HS6ST2: variants seen among roughly 807,000 people sequenced by gnomAD.
HS6ST2 encodes heparan-sulfate 6-O-sulfotransferase 2.
A neutral mutation model predicts 33.0 loss-of-function variants in HS6ST2; 17 were observed. The ratio of observed to expected loss-of-function variants is 0.52; its 90% CI spans 0.35 to 0.77. The LOEUF is 0.77. HS6ST2 is among the 30% of genes least tolerant of loss of function. HS6ST2 has a pLI of 0.01. For missense variants in HS6ST2, 519 were observed against 551.7 expected (o/e 0.94, Z 0.59); for synonymous variants, 248 against 237.1 (o/e 1.05, Z -0.42).
intron 3 of HS6ST2, among the ~76,000 whole-genome samples, chrX:132,694,421 C>A (rs1353344349): frequency 3.6e-5 from 4 of 111,306 alleles, no homozygotes; most frequent in Admixed American, 2.9e-4. Context: ...GGCCCTGAGG[C>A]AGCAAGAGGC....
Position 132,696,133 on chromosome X carries a change from A to T in HS6ST2, c.980+12329T>A, listed in dbSNP as rs1019060249. Among the ~76,000 whole-genome samples, 3 of 111,986 alleles carry T rather than the reference A, an allele frequency of 2.7e-5. 1 individual carries two copies. The Admixed American group carries it at 2.8e-4, about 11-fold the overall frequency. On this transcript the variant is annotated intron_variant, in intron 3 of 4. Coordinates refer to ENST00000370833, the MANE Select transcript of HS6ST2 (RefSeq NM_001394073.1). ...GCCAAGTTTTCACCATGGCAGTATC[A>T]AAAGCGATGAGACGATTTTGTGGAT...
chrX:132,680,344 T>C (rs1220529259), intron 3 of HS6ST2, among the ~76,000 whole-genome samples: 1 of 110,756 alleles, frequency 9.0e-6, no homozygotes, highest in East Asian at 2.8e-4. Flanking sequence ...GGGGAGAGTA[T>C]GTGGAAGAAG....
At chrX:132,889,028 T>G (rs1159427947) in intron 2 of HS6ST2, among the ~76,000 whole-genome samples, 1 of 110,904 alleles carries the variant, frequency 9.0e-6, no homozygotes, top group Non-Finnish European at 1.9e-5. Context: ...TAGATCAATT[T>G]TCCCAATCAT....
At chrX:132,705,720 G>T (rs1465323491) in intron 3 of HS6ST2, among the ~76,000 whole-genome samples, 1 of 111,899 alleles carries the variant, frequency 8.9e-6, no homozygotes, top group East Asian at 2.8e-4. Flanking sequence ...ACGTCACACA[G>T]CTGGAAAGTA....
chrX:132,779,348 A>T (rs1424120353), intron 2 of HS6ST2, among the ~76,000 whole-genome samples: 1 of 112,103 alleles, frequency 8.9e-6, no homozygotes, highest in African/African-American at 3.2e-5. Flanking sequence ...GTTAAGCCCC[A>T]TCTAATCTAA....
chrX:132,806,010 C>G (rs955738286), intron 2 of HS6ST2, among the ~76,000 whole-genome samples: 1 of 110,152 alleles, frequency 9.1e-6, no homozygotes, highest in African/African-American at 3.3e-5. Context: ...TTATAATTCT[C>G]TACAGAGATT....
chrX:132,834,683 T>G (rs1298136188), intron 2 of HS6ST2, among the ~76,000 whole-genome samples: 1 of 112,655 alleles, frequency 8.9e-6, no homozygotes, highest in African/African-American at 3.2e-5. Context: ...TGTCAAAGCT[T>G]TGCAGTTCAC....
At position 132,766,273 on chromosome X, in the gene HS6ST2, A is replaced by G. The variant is rs141720397; in HGVS notation, c.948-57779T>C. Among the ~76,000 whole-genome samples the G allele has an allele frequency of 8.0e-4, 90 of 112,770 alleles. 2 individuals carry two copies. In the East Asian group the frequency reaches 0.024, roughly 30 times the overall value. ...TTGGTAAATGAATCTTTCACCATTAATTTAACTAACTAAAATAACAAATTC... is the reference window on the plus strand; with the variant it reads ...TTGGTAAATGAATCTTTCACCATTAGTTTAACTAACTAAAATAACAAATTC... On this transcript the variant is annotated intron_variant, in intron 2 of 4. Coordinates refer to ENST00000370833, the MANE Select transcript of HS6ST2 (RefSeq NM_001394073.1).
chrX:132,663,506 T>C, intron 4 of HS6ST2, among the ~76,000 whole-genome samples: 1 of 112,354 alleles, frequency 8.9e-6, no homozygotes. Context: ...TTTATGCTTT[T>C]GTCATTCGTC....
intron 4 of HS6ST2, among the ~76,000 whole-genome samples, chrX:132,664,500 A>G (rs1033967091): frequency 8.9e-6 from 1 of 111,974 alleles, no homozygotes; most frequent in African/African-American, 3.2e-5. Context: ...CGGTCTTACC[A>G]GAGTCAGCTC....
intron 3 of HS6ST2, among the ~76,000 whole-genome samples, chrX:132,687,810 G>T (rs144962818): frequency 3.6e-5 from 4 of 110,220 alleles, no homozygotes; most frequent in Non-Finnish European, 5.7e-5. Flanking sequence ...GTGCAATGGC[G>T]CAATCTCGGC....
chrX:132,689,735 G>A (rs1439554979), intron 3 of HS6ST2, among the ~76,000 whole-genome samples: 1 of 112,170 alleles, frequency 8.9e-6, no homozygotes, highest in Non-Finnish European at 1.9e-5. Context: ...TCTAGAGAAA[G>A]TTATTTAACA....
intron 2 of HS6ST2, among the ~76,000 whole-genome samples, chrX:132,714,597 G>T (rs1056008794): frequency 2.7e-5 from 3 of 111,537 alleles, no homozygotes; most frequent in African/African-American, 9.8e-5. Context: ...GGGATTACAG[G>T]CATAAGCCAC....
intron 2 of HS6ST2, among the ~76,000 whole-genome samples, chrX:132,764,167 C>G (rs1488532469): frequency 4.5e-5 from 5 of 111,900 alleles, no homozygotes; most frequent in African/African-American, 1.6e-4. Context: ...GAGACTCTCC[C>G]ATATTTAGAG....
chrX:132,691,418 C>T (rs1204142878), intron 3 of HS6ST2, among the ~76,000 whole-genome samples: 1 of 111,858 alleles, frequency 8.9e-6, no homozygotes, highest in East Asian at 2.8e-4. Context: ...TGTCCCTAGG[C>T]ATTATAGGAG....
At chrX:132,702,389 T>G (rs1204345614) in intron 3 of HS6ST2, among the ~76,000 whole-genome samples, 3 of 112,432 alleles carry the variant, frequency 2.7e-5, no homozygotes, top group African/African-American at 9.7e-5. Context: ...TAGCATCCAT[T>G]TATATTCTAT....
intron 2 of HS6ST2, among the ~76,000 whole-genome samples, chrX:132,925,235 C>G (rs780273405): frequency 1.2e-4 from 14 of 112,016 alleles, no homozygotes; most frequent in Non-Finnish European, 2.4e-4. Flanking sequence ...CTCTGCATCC[C>G]TCCCCACATA....
In HS6ST2 at chrX:132,957,044, G is replaced by A; in HGVS notation, c.711C>T (p.Thr237=). ...AGTGGCGGCCGAAAGTGGTGCCCCC[G>A]GTCTTCTGGATGTGCAGGAACACGA... ...DLIVFLHIQK[T]GGTTFGRHLV... The change falls in exon 2 of 5, where the codon ACC becomes ACT. Residue 237 remains threonine, a synonymous_variant. Coordinates refer to ENST00000370833, the MANE Select transcript of HS6ST2 (RefSeq NM_001394073.1). 8.3e-7 allele frequency: 1 copy of A among 1,211,904 alleles called. No individual in the cohort carries two copies.
At chrX:132,953,689 C>T (rs902528829) in intron 2 of HS6ST2, among the ~76,000 whole-genome samples, 1 of 112,163 alleles carries the variant, frequency 8.9e-6, no homozygotes, top group Non-Finnish European at 1.9e-5. Context: ...GACCCCTCTG[C>T]AATCTAGCCA....
Sources: allele counts gnomAD v4.1 joint callset (sites outside exome capture counted in the v4.1 genomes callset), GRCh38; gene constraint gnomAD v4.1.1; transcripts MANE v1.5; gene names NCBI Gene and HGNC (gene_info 2026-07-23, HGNC 2026-07-21).